ADAM7: variants seen among roughly 807,000 people sequenced by gnomAD.
The protein encoded by ADAM7 is disintegrin and metalloproteinase domain-containing protein 7.
ADAM7 carries 97 observed loss-of-function variants against 102.9 expected under a neutral mutation model. The observed-to-expected ratio is 0.94, with a 90% CI of 0.80 to 1.12. The LOEUF (loss-of-function observed/expected upper bound fraction) is 1.12. Ranked by LOEUF, ADAM7 falls within the 50% of genes most tolerant of loss-of-function variation. The probability of loss-of-function intolerance (pLI) is 0.00; values close to 1 mark genes in which losing one functional copy is unlikely to be tolerated. For missense variants in ADAM7, 991 were observed against 908.7 expected (o/e 1.09, Z -1.16); for synonymous variants, 334 against 304.4 (o/e 1.10, Z -1.01).
intron 3 of ADAM7, among the ~76,000 whole-genome samples, chr8:24,454,989 T>C (rs1818974647): frequency 6.6e-6 from 1 of 152,208 alleles, no homozygotes; most frequent in Non-Finnish European, 1.5e-5. Context: ...GTTTTATTTG[T>C]ATGTGCGTAT....
intron 8 of ADAM7, among the ~76,000 whole-genome samples, chr8:24,477,201 T>G (rs916361600): frequency 6.6e-6 from 1 of 152,218 alleles, no homozygotes; most frequent in East Asian, 1.9e-4. Flanking sequence ...TTTCATTTAT[T>G]TTTTGTAAAT....
intron 3 of ADAM7, among the ~76,000 whole-genome samples, chr8:24,454,599 C>A (rs560461747): frequency 6.6e-6 from 1 of 152,184 alleles, no homozygotes; most frequent in African/African-American, 2.4e-5. Context: ...TGATCCCTTG[C>A]GCTTCCCGGG....
chr8:24,483,524 C>T (rs1820032328), intron 9 of ADAM7, among the ~76,000 whole-genome samples: 1 of 152,210 alleles, frequency 6.6e-6, no homozygotes, highest in Non-Finnish European at 1.5e-5. Context: ...AAACCTGAAG[C>T]TTCCAATACC....
In ADAM7 at chr8:24,495,230, G is replaced by A. The variant is rs545069767; in HGVS notation, c.1842+2001G>A. On this transcript the variant is annotated intron_variant, in intron 16 of 21. Coordinates refer to ENST00000175238, the MANE Select transcript of ADAM7 (RefSeq NM_003817.4). Reference sequence around the variant, plus strand: ...TCCCCAGAGTATCCAGAATACAAATGAGCCACTCTTCAAACAAAGAACCAG... The same window carrying A: ...TCCCCAGAGTATCCAGAATACAAATAAGCCACTCTTCAAACAAAGAACCAG... 2.6e-5 allele frequency among the ~76,000 whole-genome samples: 4 copies of A among 152,224 alleles called. No homozygotes were observed. The South Asian group carries it at 6.2e-4, about 24-fold the overall frequency.
chr8:24,445,068 A>C (rs1265540661), intron 2 of ADAM7, among the ~76,000 whole-genome samples: 3 of 152,194 alleles, frequency 2.0e-5, no homozygotes, highest in African/African-American at 7.2e-5. Context: ...CAATATTGAC[A>C]ATATTAAAAA....
Position 24,508,721 on chromosome 8 carries a change from C to A in ADAM7, c.*175C>A. The A allele has an allele frequency of 3.5e-6, 5 of 1,425,702 alleles. No homozygotes were observed. In the South Asian group the frequency reaches 6.3e-5, roughly 18 times the overall value. 88.3% of individuals were successfully genotyped at this position (1,425,702 alleles called of 1,614,324 possible). On this transcript the variant is annotated 3_prime_UTR_variant, in exon 22 of 22. Transcript: ENST00000175238. ...ACAACTTATTTCTGTTAATATTTACCGGTAGAATTCACACCCTCTATCATA... is the reference window on the plus strand; with the variant it reads ...ACAACTTATTTCTGTTAATATTTACAGGTAGAATTCACACCCTCTATCATA...
At chr8:24,465,078 C>T (rs1343983884) in intron 4 of ADAM7, among the ~76,000 whole-genome samples, 1 of 152,194 alleles carries the variant, frequency 6.6e-6, no homozygotes, top group Non-Finnish European at 1.5e-5. Flanking sequence ...ATCTACCATG[C>T]CCAGCAGCAA....
chr8:24,498,832 A>G (rs1056363686), intron 16 of ADAM7, among the ~76,000 whole-genome samples: 8 of 151,912 alleles, frequency 5.3e-5, no homozygotes, highest in Non-Finnish European at 1.2e-4. Context: ...TAATAAAATG[A>G]CCATCAATTG....
chr8:24,447,282 C>T lies in ADAM7; in HGVS notation c.233+20C>T, dbSNP rs1405430326. 1.5e-6 allele frequency: 2 copies of T among 1,369,840 alleles called. No homozygotes were observed. The highest frequency in any genetic ancestry group is 9.9e-7 in the Non-Finnish European group (1 of 1,012,860). 84.9% of individuals were successfully genotyped at this position (1,369,840 alleles called of 1,614,324 possible). ...ATCCAGGTAAGTTCTATTGTGATTC[C>T]AGTACCTTATAGATTTTAGTAATTA... On this transcript the variant is annotated intron_variant, in intron 3 of 21. Coordinates refer to ENST00000175238, the MANE Select transcript of ADAM7 (RefSeq NM_003817.4).
intron 17 of ADAM7, 113 bp from the exon 18 acceptor site, chr8:24,500,065 C>A: frequency 1.3e-6 from 1 of 764,614 alleles, no homozygotes. Context: ...AAAAAGTTCG[C>A]GCTTGTGCTT....
intron 6 of ADAM7, 119 bp from the exon 7 acceptor site, chr8:24,468,648 C>A (rs1379890995): frequency 5.0e-6 from 4 of 795,764 alleles, no homozygotes; most frequent in Non-Finnish European, 8.3e-6. Context: ...TATGCCTCCC[C>A]ATTTTGTATC....
intron 2 of ADAM7, among the ~76,000 whole-genome samples, chr8:24,445,975 C>A (rs1818543460): frequency 6.6e-6 from 1 of 152,156 alleles, no homozygotes; most frequent in Non-Finnish European, 1.5e-5. Flanking sequence ...TCATTACACT[C>A]CACTATGTGT....
chr8:24,465,261 G>A (rs947240769), intron 4 of ADAM7, among the ~76,000 whole-genome samples: 3 of 152,114 alleles, frequency 2.0e-5, no homozygotes, highest in Non-Finnish European at 4.4e-5. Context: ...GAAATGATGG[G>A]AAAAATAATT....
chr8:24,456,505 TG>T (rs1819039500), intron 3 of ADAM7, among the ~76,000 whole-genome samples: 1 of 152,206 alleles, frequency 6.6e-6, no homozygotes, highest in South Asian at 2.1e-4. Context: ...GTGGAATTGC[TG>T]GGTCCATCCA....
chr8:24,468,251 T>C (rs980459972), intron 6 of ADAM7, among the ~76,000 whole-genome samples: 6 of 151,946 alleles, frequency 3.9e-5, no homozygotes, highest in African/African-American at 1.5e-4. Flanking sequence ...ATGGATGTTT[T>C]TCACGTGAGC....
intron 6 of ADAM7, 88 bp downstream of exon 6, chr8:24,467,076 T>G: frequency 8.0e-7 from 1 of 1,251,452 alleles, no homozygotes. Flanking sequence ...GTCCAGTTAC[T>G]GAAATATATG....
intron 7 of ADAM7, among the ~76,000 whole-genome samples, chr8:24,472,425 A>G (rs948766106): frequency 6.6e-6 from 1 of 152,068 alleles, no homozygotes. Context: ...CCACAACCCA[A>G]TTAGAAGTTA....
Position 24,458,901 on chromosome 8 carries a change from A to G in ADAM7, c.234-4981A>G, listed in dbSNP as rs550543984. On this transcript the variant is annotated intron_variant, in intron 3 of 21. Coordinates refer to ENST00000175238, the MANE Select transcript of ADAM7 (RefSeq NM_003817.4). Reference sequence around the variant, plus strand: ...CACTGATTTTTGTTCATTATACCTTATATATTATTTTATAATAAATTATTT... The same window carrying G: ...CACTGATTTTTGTTCATTATACCTTGTATATTATTTTATAATAAATTATTT... Among the ~76,000 whole-genome samples, 5 of 151,898 alleles carry G rather than the reference A, an allele frequency of 3.3e-5. No homozygotes were observed. The East Asian group carries it at 9.7e-4, about 29-fold the overall frequency.
At chr8:24,490,700 T>A in intron 12 of ADAM7, 99 bp from the exon 13 acceptor site, 1 of 1,179,058 alleles carries the variant, frequency 8.5e-7, no homozygotes, top group Non-Finnish European at 1.2e-6. Context: ...CATCACTATT[T>A]AACTCTATCA....
Sources: allele counts gnomAD v4.1 joint callset (sites outside exome capture counted in the v4.1 genomes callset), GRCh38; gene constraint gnomAD v4.1.1; transcripts MANE v1.5; gene names NCBI Gene and HGNC (gene_info 2026-07-23, HGNC 2026-07-21).